FTCDNL1: variants seen among roughly 807,000 people sequenced by gnomAD.
The protein encoded by FTCDNL1 is formiminotransferase cyclodeaminase N-terminal like.
A neutral mutation model predicts 5.9 loss-of-function variants in FTCDNL1; 11 were observed. That is an observed-to-expected ratio of 1.87 (90% CI 1.18 to 3.10). The LOEUF (loss-of-function observed/expected upper bound fraction) is 3.10. FTCDNL1 is among the 30% of genes most tolerant of loss of function. The probability of loss-of-function intolerance (pLI) is 0.00; values close to 1 mark genes in which losing one functional copy is unlikely to be tolerated. For synonymous variants in FTCDNL1, 58 were observed against 24.8 expected, an observed-to-expected ratio of 2.34 and a Z score of -3.99; for missense variants, 115 against 65.5, an observed-to-expected ratio of 1.76 and a Z score of -2.61.
At chr2:199,697,667 C>T in the FTCDNL1 span, among the ~76,000 whole-genome samples, 1 of 152,120 alleles carries the variant, frequency 6.6e-6, no homozygotes, top group African/African-American at 2.4e-5. Flanking sequence ...TACCAACCAC[C>T]ATAAAAACAC....
intron 3 of FTCDNL1, among the ~76,000 whole-genome samples, chr2:199,763,732 T>TA (rs1179463510): frequency 3.9e-5 from 6 of 152,344 alleles, no homozygotes; most frequent in Admixed American, 6.5e-5. Context: ...TTATAAACTT[T>TA]AAGGATTTAC....
the FTCDNL1 span, among the ~76,000 whole-genome samples, chr2:199,718,526 T>C: frequency 6.6e-6 from 1 of 152,190 alleles, no homozygotes; most frequent in African/African-American, 2.4e-5. Flanking sequence ...TGGAGATATC[T>C]TTTTAGTATA....
At chr2:199,789,354 C>T (rs1559188489) in intron 3 of FTCDNL1, among the ~76,000 whole-genome samples, 1 of 152,044 alleles carries the variant, frequency 6.6e-6, no homozygotes, top group Non-Finnish European at 1.5e-5. Flanking sequence ...TCCCTTACAT[C>T]AATACATTAA....
intron 3 of FTCDNL1, among the ~76,000 whole-genome samples, chr2:199,790,412 C>T (rs1699863260): frequency 6.6e-6 from 1 of 151,176 alleles, no homozygotes; most frequent in Non-Finnish European, 1.5e-5. Flanking sequence ...GCAGGAGAAT[C>T]ACTTGAACCT....
At chr2:199,703,780 A>T in the FTCDNL1 span, among the ~76,000 whole-genome samples, 1 of 152,190 alleles carries the variant, frequency 6.6e-6, no homozygotes, top group African/African-American at 2.4e-5. Flanking sequence ...CATGGAGCTT[A>T]TTAAATTATT....
chr2:199,721,583 T>C, the FTCDNL1 span, among the ~76,000 whole-genome samples: 1 of 152,198 alleles, frequency 6.6e-6, no homozygotes, highest in South Asian at 2.1e-4. Context: ...CTACAATGAA[T>C]ATACCCATGT....
the FTCDNL1 span, among the ~76,000 whole-genome samples, chr2:199,735,474 T>C: frequency 4.6e-5 from 7 of 152,202 alleles, no homozygotes; most frequent in Admixed American, 4.6e-4. Flanking sequence ...GCTTTTTTTT[T>C]TACATGTGTA....
chr2:199,842,821 C>G (rs1250506090), intron 3 of FTCDNL1, among the ~76,000 whole-genome samples: 1 of 151,876 alleles, frequency 6.6e-6, no homozygotes, highest in Admixed American at 6.6e-5. Context: ...TATGTTAAAG[C>G]TGGTTTCTCT....
rs2106458584 is a variant in FTCDNL1 at position 199,812,559 on chromosome 2, A to C, written c.*146T>G. 2.2e-6 allele frequency: 1 copy of C among 451,726 alleles called. No individual in the cohort carries two copies. Among genetic ancestry groups the C allele is most frequent in the Middle Eastern group, 3.0e-4 (1 of 3,332 alleles). The allele number at this position is 451,726 out of a possible 1,614,324, so 28.0% of individuals were successfully genotyped here. On this transcript the variant is annotated 3_prime_UTR_variant, in exon 5 of 5. Coordinates refer to ENST00000420128, the MANE Select transcript of FTCDNL1 (RefSeq NM_001363886.2). The stretch of plus-strand genomic sequence containing the variant: ...AAGTAATTCCACTTTTTGCTCTAAA[A>C]TTAGAAACCTGATGTGAAAGTTTGT...
At chr2:199,683,036 T>C in the FTCDNL1 span, among the ~76,000 whole-genome samples, 1 of 152,134 alleles carries the variant, frequency 6.6e-6, no homozygotes, top group African/African-American at 2.4e-5. Flanking sequence ...GAGAACACAG[T>C]TTTTCAAAGA....
At chr2:199,823,665 G>C (rs1016685596) in intron 3 of FTCDNL1, among the ~76,000 whole-genome samples, 1 of 152,094 alleles carries the variant, frequency 6.6e-6, no homozygotes, top group African/African-American at 2.4e-5. Flanking sequence ...ATCAACAGTG[G>C]GCTTAAGATA....
Position 199,846,128 on chromosome 2 carries a change from T to A in FTCDNL1, c.158A>T (p.Asp53Val). 1 of 700,226 alleles carries A rather than the reference T, an allele frequency of 1.4e-6. No homozygotes were observed. Among genetic ancestry groups the A allele is most frequent in the Non-Finnish European group, 2.6e-6 (1 of 384,024 alleles). The allele number at this position is 700,226 out of a possible 1,614,324, so 43.4% of individuals were successfully genotyped here. ...PQVSVLNIFS[D>V]QDYKRSVITI... is the part of the protein sequence containing the mutation. ...AATGACTGATCTCTTGTAGTCTTGA[T>A]CGGAAAATATATTGAGCACTGAAAC... is the stretch of plus-strand genomic sequence containing the variant. Residue 53 changes from aspartate to valine, a missense_variant, in exon 3 of 5, where the codon GAT becomes GTT. Coordinates refer to ENST00000420128, the MANE Select transcript of FTCDNL1 (RefSeq NM_001363886.2).
At chr2:199,845,012 A>G (rs2076692328) in intron 3 of FTCDNL1, among the ~76,000 whole-genome samples, 1 of 152,076 alleles carries the variant, frequency 6.6e-6, no homozygotes, top group Non-Finnish European at 1.5e-5. Flanking sequence ...TGGCCGCCCA[A>G]AGTGCTGAAA....
chr2:199,742,103 ATT>A, the FTCDNL1 span, among the ~76,000 whole-genome samples: 42 of 150,958 alleles, frequency 2.8e-4, no homozygotes, highest in African/African-American at 9.3e-4. Context: ...CTCTGCCTCA[ATT>A]TTTTTTTTTA....
chr2:199,805,794 C>T (rs1418738674), downstream of FTCDNL1, among the ~76,000 whole-genome samples: 1 of 151,628 alleles, frequency 6.6e-6, no homozygotes, highest in Admixed American at 6.6e-5. Context: ...TGGTGTGCAC[C>T]TGTAGTCCCA....
chr2:199,708,757 C>T, the FTCDNL1 span, among the ~76,000 whole-genome samples: 1 of 152,128 alleles, frequency 6.6e-6, no homozygotes, highest in African/African-American at 2.4e-5. Flanking sequence ...ATTCTATGAG[C>T]TTAGAAACCA....
At chr2:199,729,994 C>T in the FTCDNL1 span, among the ~76,000 whole-genome samples, 1 of 151,646 alleles carries the variant, frequency 6.6e-6, no homozygotes, top group African/African-American at 2.4e-5. Flanking sequence ...GTACTGGTAC[C>T]AAAACAGATA....
At chr2:199,807,821 A>G (rs1474125743), downstream of FTCDNL1, among the ~76,000 whole-genome samples, 2 of 152,226 alleles carry the variant, frequency 1.3e-5, no homozygotes, top group Non-Finnish European at 2.9e-5. Context: ...TGTATCTATT[A>G]GTAGATAACA....
At position 199,772,823 on chromosome 2, in the gene FTCDNL1, G is replaced by A. The variant is rs181768764; in HGVS notation, c.212-11988C>T. ...TTCCATGTGAACGTAAACCACTTCC[G>A]CTTCTCCTTTCTGAGAAAGATGGGA... is the stretch of plus-strand genomic sequence containing the variant. On this transcript the variant is annotated intron_variant, in intron 3 of 3. Transcript: ENST00000416668. 3.7e-4 allele frequency among the ~76,000 whole-genome samples: 56 copies of A among 152,270 alleles called. No individual in the cohort carries two copies. The East Asian group carries it at 7.9e-3, about 22-fold the overall frequency.
Sources: gnomAD v4.1 joint callset for allele counts (sites outside exome capture counted in the v4.1 genomes callset) on GRCh38, gnomAD v4.1.1 for gene constraint, MANE v1.5 for transcripts, NCBI Gene and HGNC (gene_info 2026-07-23, HGNC 2026-07-21) for gene names.